The following KCNH1 variants were observed in gnomAD, a reference collection of about 807,000 sequenced individuals.
The protein encoded by KCNH1 is voltage-gated delayed rectifier potassium channel KCNH1.
A neutral mutation model predicts 69.2 loss-of-function variants in KCNH1; 27 were observed. The ratio of observed to expected loss-of-function variants is 0.39; its 90% CI spans 0.29 to 0.54. The LOEUF (loss-of-function observed/expected upper bound fraction) is 0.54, where lower values mean the gene tolerates loss of function less well. Among genes scored for constraint, KCNH1 ranks in the 20% least tolerant of loss-of-function variants. The probability of loss-of-function intolerance (pLI) is 0.68; values close to 1 mark genes in which losing one functional copy is unlikely to be tolerated. For missense variants in KCNH1, 798 were observed against 1,261.6 expected (o/e 0.63, Z 5.57); for synonymous variants, 456 against 487.7 (o/e 0.93, Z 0.86).
At chr1:211,023,067 T>C (rs1689615939) in intron 5 of KCNH1, among the ~76,000 whole-genome samples, 1 of 151,382 alleles carries the variant, frequency 6.6e-6, no homozygotes, top group Non-Finnish European at 1.5e-5. Flanking sequence ...GCCAAGATCA[T>C]GCCACTGCAC....
At chr1:210,721,804 T>C in intron 10 of KCNH1, among the ~76,000 whole-genome samples, 1 of 81,196 alleles carries the variant, frequency 1.2e-5, no homozygotes, top group African/African-American at 1.1e-4. Context: ...ATAATAAAAA[T>C]AAATAAATAA....
intron 7 of KCNH1, among the ~76,000 whole-genome samples, chr1:210,819,301 T>G (rs1013236361): frequency 1.3e-5 from 2 of 152,132 alleles, no homozygotes; most frequent in Non-Finnish European, 2.9e-5. Context: ...TTTTCTTACT[T>G]GAAAGAGGAA....
At chr1:210,978,596 G>A (rs1242256228) in intron 6 of KCNH1, among the ~76,000 whole-genome samples, 2 of 152,130 alleles carry the variant, frequency 1.3e-5, no homozygotes, top group African/African-American at 4.8e-5. Flanking sequence ...GAAGGTTATT[G>A]TTGTTTAATA....
At chr1:210,741,822 G>A (rs1683039749) in intron 10 of KCNH1, among the ~76,000 whole-genome samples, 1 of 152,158 alleles carries the variant, frequency 6.6e-6, no homozygotes, top group African/African-American at 2.4e-5. Context: ...TTGCAGTGAT[G>A]ATCTGTGTTA....
At chr1:210,956,235 G>A (rs1207833812) in intron 6 of KCNH1, among the ~76,000 whole-genome samples, 10 of 152,170 alleles carry the variant, frequency 6.6e-5, no homozygotes, top group Non-Finnish European at 1.5e-5. Context: ...AATAAGACTT[G>A]CATCCCAGGG....
At chr1:210,823,770 G>A (rs1684979314) in intron 7 of KCNH1, among the ~76,000 whole-genome samples, 1 of 152,090 alleles carries the variant, frequency 6.6e-6, no homozygotes, top group Non-Finnish European at 1.5e-5. Context: ...AAATCACACA[G>A]CAACCAAGTG....
intron 6 of KCNH1, among the ~76,000 whole-genome samples, chr1:210,931,930 A>G (rs1687687686): frequency 6.6e-6 from 1 of 151,984 alleles, no homozygotes; most frequent in Non-Finnish European, 1.5e-5. Context: ...TCTTGAAGTA[A>G]CCCAGAAGAC....
At chr1:211,049,397 G>A (rs1690152247) in intron 5 of KCNH1, among the ~76,000 whole-genome samples, 1 of 152,196 alleles carries the variant, frequency 6.6e-6, no homozygotes, top group Non-Finnish European at 1.5e-5. Context: ...CCAACTGTGT[G>A]TGCAAAAGCT....
chr1:211,036,110 A>C (rs2102128), intron 5 of KCNH1, among the ~76,000 whole-genome samples: 99,775 of 151,954 alleles, frequency 0.66, 33,189 homozygotes, highest in African/African-American at 0.76. Context: ...TCTCAAATCC[A>C]TCTCCCTGAC....
chr1:210,718,000 G>C (rs1172139401), intron 10 of KCNH1, among the ~76,000 whole-genome samples: 1 of 151,818 alleles, frequency 6.6e-6, no homozygotes, highest in African/African-American at 2.4e-5. Context: ...CCAGCTACTG[G>C]GGAGGCGGAG....
At chr1:210,758,979 G>T (rs548905229) in intron 10 of KCNH1, among the ~76,000 whole-genome samples, 1 of 152,150 alleles carries the variant, frequency 6.6e-6, no homozygotes, top group Non-Finnish European at 1.5e-5. Flanking sequence ...TAAGCAATGT[G>T]TGAGAAGCCA....
chr1:210,956,278 T>A (rs541316957), intron 6 of KCNH1, among the ~76,000 whole-genome samples: 1 of 152,230 alleles, frequency 6.6e-6, no homozygotes. Context: ...GGAAAAGATT[T>A]TGATGTGCTG....
At chr1:210,786,706 C>A (rs1175801833) in intron 9 of KCNH1, among the ~76,000 whole-genome samples, 4 of 152,172 alleles carry the variant, frequency 2.6e-5, no homozygotes, top group Non-Finnish European at 5.9e-5. Context: ...TCACTCAGCT[C>A]AAACCCACAG....
chr1:210,814,609 G>T (rs1318928989), intron 7 of KCNH1, among the ~76,000 whole-genome samples: 1 of 152,140 alleles, frequency 6.6e-6, no homozygotes, highest in South Asian at 2.1e-4. Context: ...CTGTCACTAA[G>T]TCAAGTCATG....
chr1:211,020,985 C>T (rs1689578132), intron 5 of KCNH1, among the ~76,000 whole-genome samples: 1 of 152,252 alleles, frequency 6.6e-6, no homozygotes, highest in South Asian at 2.1e-4. Context: ...GAAAGGTACT[C>T]AAATGCCTTA....
intron 5 of KCNH1, among the ~76,000 whole-genome samples, chr1:211,080,538 G>T (rs533646345): frequency 6.6e-6 from 1 of 152,178 alleles, no homozygotes; most frequent in Non-Finnish European, 1.5e-5. Context: ...GAACAAAGCT[G>T]GAGGCATCAT....
chr1:211,023,046 G>A (rs879929047), intron 5 of KCNH1, among the ~76,000 whole-genome samples: 1 of 151,868 alleles, frequency 6.6e-6, no homozygotes, highest in Non-Finnish European at 1.5e-5. Flanking sequence ...GGGAGGCAGA[G>A]GTTGTAGTGA....
At chr1:211,096,252 T>C (rs1383135051) in intron 3 of KCNH1, among the ~76,000 whole-genome samples, 1 of 152,052 alleles carries the variant, frequency 6.6e-6, no homozygotes, top group Non-Finnish European at 1.5e-5. Context: ...TTAGTAGAGA[T>C]GGGGTTTTGC....
At chr1:210,762,697 A>C (rs6656459) in intron 10 of KCNH1, among the ~76,000 whole-genome samples, 142,772 of 152,164 alleles carry the variant, frequency 0.94, 67,635 homozygotes, top group East Asian at 1. Context: ...CCTGAAAAAA[A>C]CAATAGTGAG....
Sources: gnomAD v4.1 joint callset for allele counts (sites outside exome capture counted in the v4.1 genomes callset) on GRCh38, gnomAD v4.1.1 for gene constraint, MANE v1.5 for transcripts, NCBI Gene and HGNC (gene_info 2026-07-23, HGNC 2026-07-21) for gene names.